Variants in DCLK1 observed in about 807,000 individuals in gnomAD.
DCLK1 encodes doublecortin like kinase 1.
In DCLK1, 16 loss-of-function variants were observed where a neutral mutation model predicts 86.2. That is an observed-to-expected ratio of 0.19 (90% CI 0.13 to 0.28). DCLK1 has a LOEUF of 0.28. Among genes scored for constraint, DCLK1 ranks in the 10% least tolerant of loss-of-function variants. The pLI, the probability that DCLK1 is intolerant of heterozygous loss-of-function variation, is 1.00. For missense variants in DCLK1, 590 were observed against 940.2 expected (o/e 0.63, Z 4.87); for synonymous variants, 369 against 370.5 (o/e 1.00, Z 0.05).
intron 4 of DCLK1, among the ~76,000 whole-genome samples, chr13:35,918,384 T>C (rs952674216): frequency 8.6e-5 from 13 of 151,900 alleles, no homozygotes; most frequent in African/African-American, 2.4e-4. Context: ...GAGTGGGGAG[T>C]TATGTGGGGT....
At chr13:35,991,270 G>A (rs955809733) in intron 3 of DCLK1, among the ~76,000 whole-genome samples, 26 of 151,984 alleles carry the variant, frequency 1.7e-4, no homozygotes, top group African/African-American at 6.3e-4. Flanking sequence ...CCAATCATAC[G>A]TCTCCATGAC....
chr13:35,983,956 G>T (rs1281773191), intron 3 of DCLK1, among the ~76,000 whole-genome samples: 1 of 152,120 alleles, frequency 6.6e-6, no homozygotes, highest in Non-Finnish European at 1.5e-5. Context: ...ATCTGGGTTT[G>T]ACTTGACCTC....
chr13:35,950,296 A>G (rs934326886), intron 3 of DCLK1, among the ~76,000 whole-genome samples: 1 of 152,250 alleles, frequency 6.6e-6, no homozygotes, highest in Non-Finnish European at 1.5e-5. Flanking sequence ...GCGCTCATGC[A>G]TTATCATTGA....
intron 2 of DCLK1, among the ~76,000 whole-genome samples, chr13:36,118,169 T>A (rs896050828): frequency 1.3e-5 from 2 of 152,116 alleles, no homozygotes; most frequent in African/African-American, 4.8e-5. Context: ...GTTTTACACA[T>A]GATCAGCCCT....
At chr13:35,921,976 CAT>C (rs1875829575) in intron 4 of DCLK1, among the ~76,000 whole-genome samples, 1 of 152,124 alleles carries the variant, frequency 6.6e-6, no homozygotes, top group Admixed American at 6.5e-5. Flanking sequence ...AATAGAGAAA[CAT>C]AGTGCCTACT....
At chr13:35,940,388 T>C (rs929444580) in intron 4 of DCLK1, among the ~76,000 whole-genome samples, 1 of 152,168 alleles carries the variant, frequency 6.6e-6, no homozygotes, top group African/African-American at 2.4e-5. Context: ...TGGTACATAG[T>C]AAGTTAGCTT....
chr13:36,007,779 T>C (rs908924892), intron 3 of DCLK1, among the ~76,000 whole-genome samples: 1 of 152,164 alleles, frequency 6.6e-6, no homozygotes, highest in African/African-American at 2.4e-5. Flanking sequence ...TGTCTTCAAA[T>C]AACTAACGAA....
chr13:35,999,068 G>A (rs544658069), intron 3 of DCLK1, among the ~76,000 whole-genome samples: 8 of 152,040 alleles, frequency 5.3e-5, no homozygotes, highest in South Asian at 4.2e-4. Context: ...CAGCCTGGCC[G>A]ACACGGTGAA....
intron 3 of DCLK1, among the ~76,000 whole-genome samples, chr13:35,981,580 T>C (rs371073108): frequency 1.3e-5 from 2 of 152,132 alleles, no homozygotes; most frequent in East Asian, 1.9e-4. Context: ...ACCATTAGAG[T>C]ATCATACAGA....
At chr13:36,002,244 C>T (rs1053701782) in intron 3 of DCLK1, among the ~76,000 whole-genome samples, 2 of 152,142 alleles carry the variant, frequency 1.3e-5, no homozygotes, top group East Asian at 1.9e-4. Flanking sequence ...AAGTACAATA[C>T]AGTTAATTCA....
intron 4 of DCLK1, among the ~76,000 whole-genome samples, chr13:35,872,670 T>TA (rs1162203326): frequency 6.6e-6 from 1 of 152,148 alleles, no homozygotes; most frequent in Non-Finnish European, 1.5e-5. Flanking sequence ...CTTTTCTTTT[T>TA]AAAAAATTAT....
At chr13:35,846,970 A>G (rs1226052947) in intron 6 of DCLK1, 1 of 985,008 alleles carries the variant, frequency 1.0e-6, no homozygotes, top group Non-Finnish European at 1.2e-6. Context: ...TATACTCTGG[A>G]TTTTCTTCTA....
chr13:35,816,747 A>C lies in DCLK1; in HGVS notation c.1555-5779T>G, dbSNP rs192933501. Among the ~76,000 whole-genome samples, 109 of 152,298 alleles carry C rather than the reference A, an allele frequency of 7.2e-4. 1 individual carries two copies. Among genetic ancestry groups the C allele is most frequent in the African/African-American group, 2.5e-3 (106 of 41,574 alleles). On this transcript the variant is annotated intron_variant, in intron 11 of 16. Transcript: ENST00000360631. ...TCCTGCCACTACTGGTGGTCTAACCACCATTGTGCCACTATTTAATTCATC... is the reference window on the plus strand; with the variant it reads ...TCCTGCCACTACTGGTGGTCTAACCCCCATTGTGCCACTATTTAATTCATC...
intron 3 of DCLK1, among the ~76,000 whole-genome samples, chr13:36,033,166 T>G (rs950533382): frequency 1.3e-5 from 2 of 152,192 alleles, no homozygotes; most frequent in Non-Finnish European, 2.9e-5. Context: ...TTACATGCAG[T>G]TTGTGTTCAA....
chr13:35,799,442 G>A lies in DCLK1; in HGVS notation c.1945-5963C>T, dbSNP rs369065350. On this transcript the variant is annotated intron_variant, in intron 15 of 16. Coordinates refer to ENST00000360631, the MANE Select transcript of DCLK1 (RefSeq NM_001330071.2). ...AATTTTATATTTCTAGTGGAGACAA[G>A]GTTTCTCCATGTTGGCCAGGCTGGT... Among the ~76,000 whole-genome samples the A allele has an allele frequency of 5.3e-5, 8 of 152,220 alleles. No homozygotes were observed. In the East Asian group the frequency reaches 1.4e-3, roughly 26 times the overall value.
chr13:35,869,925 G>A (rs1418870487), intron 5 of DCLK1, among the ~76,000 whole-genome samples: 5 of 152,154 alleles, frequency 3.3e-5, no homozygotes, highest in African/African-American at 1.2e-4. Flanking sequence ...CTCAGGGTGT[G>A]GGGGTTCAGG....
chr13:35,835,048 C>G (rs977390687), intron 8 of DCLK1, among the ~76,000 whole-genome samples: 1 of 152,112 alleles, frequency 6.6e-6, no homozygotes, highest in Non-Finnish European at 1.5e-5. Context: ...ATGGCAGGAA[C>G]CTGTGCTTCT....
At chr13:35,835,810 A>T (rs1220274135) in intron 8 of DCLK1, among the ~76,000 whole-genome samples, 9 of 152,330 alleles carry the variant, frequency 5.9e-5, no homozygotes, top group Admixed American at 1.3e-4. Context: ...GAGTACATTT[A>T]AAAAAATCAA....
At chr13:36,030,820 G>A (rs1302704524) in intron 3 of DCLK1, among the ~76,000 whole-genome samples, 1 of 152,040 alleles carries the variant, frequency 6.6e-6, no homozygotes, top group Non-Finnish European at 1.5e-5. Flanking sequence ...AGGTCCCAGG[G>A]AATCTCCCCA....
Sources: allele counts gnomAD v4.1 joint callset (sites outside exome capture counted in the v4.1 genomes callset), GRCh38; gene constraint gnomAD v4.1.1; transcripts MANE v1.5; gene names NCBI Gene and HGNC (gene_info 2026-07-23, HGNC 2026-07-21).